MED27: variants seen among roughly 807,000 people sequenced by gnomAD.
The protein encoded by MED27 is mediator complex subunit 27, also known as mediator of RNA polymerase II transcription subunit 27.
Under a neutral mutation model 38.2 loss-of-function variants are expected in MED27, and 30 were observed. The ratio of observed to expected loss-of-function variants is 0.79; its 90% CI spans 0.59 to 1.07. The LOEUF (loss-of-function observed/expected upper bound fraction) is 1.07, where lower values mean the gene tolerates loss of function less well. Ranked by LOEUF, MED27 falls within the 50% of genes least tolerant of loss-of-function variation. MED27 has a pLI of 0.00. For synonymous variants in MED27, 122 were observed against 153.5 expected (o/e 0.79, Z 1.52); for missense variants, 289 against 397.5 (o/e 0.73, Z 2.32).
chr9:131,916,620 T>C (rs1450711634), intron 4 of MED27, among the ~76,000 whole-genome samples: 3 of 152,148 alleles, frequency 2.0e-5, no homozygotes, highest in Non-Finnish European at 4.4e-5. Flanking sequence ...CCTATAGAAA[T>C]TATGAAGTCC....
At chr9:131,877,627 T>A (rs989934262) in intron 6 of MED27, among the ~76,000 whole-genome samples, 2 of 152,062 alleles carry the variant, frequency 1.3e-5, no homozygotes, top group African/African-American at 4.8e-5. Flanking sequence ...TCTTTAGTGG[T>A]GTGAAACACT....
chr9:131,944,108 A>T (rs1564292947), intron 3 of MED27, among the ~76,000 whole-genome samples: 1 of 152,156 alleles, frequency 6.6e-6, no homozygotes, highest in Non-Finnish European at 1.5e-5. Flanking sequence ...ATCAGAAACA[A>T]TCCCACCATT....
At chr9:132,067,050 G>A (rs541523119) in intron 2 of MED27, among the ~76,000 whole-genome samples, 2 of 152,170 alleles carry the variant, frequency 1.3e-5, no homozygotes, top group Non-Finnish European at 2.9e-5. Flanking sequence ...ATCTAAAAAT[G>A]ACCGAGGAAG....
chr9:131,904,427 G>T (rs1057121018), intron 4 of MED27, among the ~76,000 whole-genome samples: 2 of 152,042 alleles, frequency 1.3e-5, no homozygotes, highest in Non-Finnish European at 2.9e-5. Flanking sequence ...TAGAGACAGG[G>T]TCTTGCTCCA....
intron 2 of MED27, among the ~76,000 whole-genome samples, chr9:132,030,434 G>A (rs866891431): frequency 5.3e-5 from 8 of 152,222 alleles, no homozygotes; most frequent in African/African-American, 7.2e-5. Flanking sequence ...TAAAACCAGC[G>A]TGCACCTAAA....
At chr9:132,052,633 C>T (rs1378809784) in intron 2 of MED27, among the ~76,000 whole-genome samples, 1 of 152,056 alleles carries the variant, frequency 6.6e-6, no homozygotes, top group African/African-American at 2.4e-5. Context: ...TACATCGTCG[C>T]TGTTAGGCAA....
chr9:131,892,884 G>C (rs1839252180), intron 5 of MED27, among the ~76,000 whole-genome samples: 1 of 152,328 alleles, frequency 6.6e-6, no homozygotes, highest in African/African-American at 2.4e-5. Flanking sequence ...GTATCAACGA[G>C]GAAATTTACG....
chr9:131,930,550 C>CT (rs1395202915), intron 4 of MED27, among the ~76,000 whole-genome samples: 7 of 152,016 alleles, frequency 4.6e-5, no homozygotes, highest in Admixed American at 3.3e-4. Flanking sequence ...GAAATAAAGA[C>CT]TTTTTCAGAC....
At chr9:131,890,090 T>C (rs1244521288) in intron 5 of MED27, among the ~76,000 whole-genome samples, 1 of 152,132 alleles carries the variant, frequency 6.6e-6, no homozygotes, top group Non-Finnish European at 1.5e-5. Flanking sequence ...ATAAATAAAG[T>C]ACACACACAC....
intron 3 of MED27, among the ~76,000 whole-genome samples, chr9:131,983,345 C>A (rs1315204672): frequency 6.6e-6 from 1 of 152,186 alleles, no homozygotes; most frequent in Non-Finnish European, 1.5e-5. Flanking sequence ...AATTTTAAGA[C>A]ATGCACAAAA....
At chr9:131,939,817 C>T (rs922919938) in intron 3 of MED27, among the ~76,000 whole-genome samples, 24 of 152,170 alleles carry the variant, frequency 1.6e-4, no homozygotes, top group East Asian at 1.9e-4. Flanking sequence ...CCTGCTGTTG[C>T]GCACCTCCGG....
chr9:131,870,653 G>A (rs1053157282), intron 6 of MED27, among the ~76,000 whole-genome samples: 1 of 152,100 alleles, frequency 6.6e-6, no homozygotes, highest in Non-Finnish European at 1.5e-5. Context: ...GGGTGGACAG[G>A]GGTTGTGGGG....
chr9:131,926,987 C>T (rs767005080), intron 4 of MED27, among the ~76,000 whole-genome samples: 12 of 152,090 alleles, frequency 7.9e-5, no homozygotes, highest in East Asian at 3.9e-4. Flanking sequence ...TTTTAAATGC[C>T]GAGAGAAGCC....
At chr9:131,949,329 G>A (rs916273769) in intron 3 of MED27, among the ~76,000 whole-genome samples, 1 of 152,164 alleles carries the variant, frequency 6.6e-6, no homozygotes, top group African/African-American at 2.4e-5. Flanking sequence ...GAGTGACAGA[G>A]CAGGCACTGT....
intron 2 of MED27, among the ~76,000 whole-genome samples, chr9:132,032,343 G>A (rs1832982445): frequency 6.6e-6 from 1 of 152,000 alleles, no homozygotes; most frequent in Non-Finnish European, 1.5e-5. Flanking sequence ...GAGAAGAAAT[G>A]ATGTGGCACT....
intron 3 of MED27, among the ~76,000 whole-genome samples, chr9:131,940,009 C>A (rs533932611): frequency 7.2e-4 from 108 of 149,726 alleles, no homozygotes; most frequent in African/African-American, 2.7e-3. Context: ...CGGGTTCAAG[C>A]GATTCTCCTG....
chr9:131,905,041 T>C (rs948837804), intron 4 of MED27, among the ~76,000 whole-genome samples: 2 of 152,244 alleles, frequency 1.3e-5, no homozygotes, highest in Non-Finnish European at 2.9e-5. Context: ...CTTGGTTTCA[T>C]GCTACCTCTG....
chr9:132,072,614 T>A (rs1833965543), intron 2 of MED27, among the ~76,000 whole-genome samples: 2 of 151,964 alleles, frequency 1.3e-5, no homozygotes, highest in Non-Finnish European at 2.9e-5. Context: ...ACCAGGGCAG[T>A]CTATACTACA....
intron 3 of MED27, among the ~76,000 whole-genome samples, chr9:131,952,211 C>T (rs1424858974): frequency 5.9e-5 from 9 of 152,190 alleles, no homozygotes; most frequent in South Asian, 2.1e-4. Flanking sequence ...AGGAGAAGCA[C>T]GAGGCCAAGG....
Sources: allele counts gnomAD v4.1 joint callset (sites outside exome capture counted in the v4.1 genomes callset), GRCh38; gene constraint gnomAD v4.1.1; transcripts MANE v1.5; gene names NCBI Gene and HGNC (gene_info 2026-07-23, HGNC 2026-07-21).